AUNIP: variants seen among roughly 807,000 people sequenced by gnomAD.
AUNIP encodes the protein aurora kinase A and ninein interacting protein.
In AUNIP, 16 loss-of-function variants were observed where a neutral mutation model predicts 12.2. The observed-to-expected ratio is 1.31, with a 90% CI of 0.88 to 1.99. AUNIP has a LOEUF of 1.99. Among genes scored for constraint, AUNIP ranks in the 30% most tolerant of loss-of-function variants. The probability of loss-of-function intolerance (pLI) is 0.00; values close to 1 mark genes in which losing one functional copy is unlikely to be tolerated. For missense variants in AUNIP, 411 were observed against 419.1 expected (o/e 0.98, Z 0.17); for synonymous variants, 142 against 154.8 (o/e 0.92, Z 0.61).
intron 1 of AUNIP, among the ~76,000 whole-genome samples, chr1:25,838,037 G>A (rs116535107): frequency 0.014 from 1,852 of 136,690 alleles, 20 homozygotes; most frequent in Non-Finnish European, 0.023. Flanking sequence ...TCAGGAGTTC[G>A]AGACTAGCCT....
intron 2 of AUNIP, among the ~76,000 whole-genome samples, chr1:25,836,515 A>T (rs1484293477): frequency 6.6e-6 from 1 of 152,240 alleles, no homozygotes; most frequent in East Asian, 1.9e-4. Context: ...CCTTAAGATA[A>T]GGATGGAGGA....
At chr1:25,839,153 G>A (rs776787015) in intron 1 of AUNIP, among the ~76,000 whole-genome samples, 1 of 152,292 alleles carries the variant, frequency 6.6e-6, no homozygotes, top group East Asian at 1.9e-4. Flanking sequence ...TTGAGAAAAG[G>A]GAAACAAATA....
chr1:25,832,635 A>G (rs1355433009), downstream of AUNIP: 1 of 166,922 alleles, frequency 6.0e-6, no homozygotes, highest in Non-Finnish European at 1.3e-5. Flanking sequence ...TTTCTTAAAC[A>G]CATTTTATAT....
intron 1 of AUNIP, among the ~76,000 whole-genome samples, chr1:25,846,391 C>T (rs57018370): frequency 2.5e-5 from 3 of 118,962 alleles, no homozygotes; most frequent in Admixed American, 1.2e-4. Context: ...TGCACTCCAG[C>T]GGGCAACAGA....
At chr1:25,849,446 T>C (rs1272552330) in intron 1 of AUNIP, among the ~76,000 whole-genome samples, 1 of 152,176 alleles carries the variant, frequency 6.6e-6, no homozygotes, top group Non-Finnish European at 1.5e-5. Flanking sequence ...AGAAAATCAC[T>C]TACTTTCTTT....
chr1:25,854,614 G>A (rs936658375), intron 1 of AUNIP, among the ~76,000 whole-genome samples: 1 of 151,988 alleles, frequency 6.6e-6, no homozygotes, highest in African/African-American at 2.4e-5. Context: ...TCAAAAAGGG[G>A]GAGATAAGAG....
chr1:25,851,859 C>T (rs1435424553), intron 1 of AUNIP, among the ~76,000 whole-genome samples: 3 of 152,004 alleles, frequency 2.0e-5, no homozygotes, highest in South Asian at 2.1e-4. Flanking sequence ...CTCAGCCTCC[C>T]GAGTAGCTGG....
intron 2 of AUNIP, among the ~76,000 whole-genome samples, chr1:25,836,683 T>C (rs918757868): frequency 6.6e-6 from 1 of 152,246 alleles, no homozygotes; most frequent in Non-Finnish European, 1.5e-5. Flanking sequence ...ATATAGACTA[T>C]AAAATACACC....
intron 1 of AUNIP, among the ~76,000 whole-genome samples, chr1:25,857,661 A>C (rs1302060581): frequency 2.0e-5 from 3 of 151,284 alleles, no homozygotes; most frequent in Non-Finnish European, 4.4e-5. Flanking sequence ...TCAGGAGTTC[A>C]AGACCAGCCT....
chr1:25,843,566 G>A (rs1057182770), intron 1 of AUNIP, among the ~76,000 whole-genome samples: 2 of 136,732 alleles, frequency 1.5e-5, no homozygotes, highest in African/African-American at 5.8e-5. Flanking sequence ...AGATCAGCCT[G>A]GGCAAAATAG....
intron 2 of AUNIP, 66 bp downstream of exon 2, chr1:25,837,347 A>G: frequency 1.3e-6 from 2 of 1,529,878 alleles, no homozygotes; most frequent in South Asian, 1.2e-5. Flanking sequence ...ATGGTCTAAC[A>G]TGGACAAATG....
intron 1 of AUNIP, among the ~76,000 whole-genome samples, chr1:25,856,363 CAA>C (rs112639785): frequency 7.8e-6 from 1 of 128,486 alleles, no homozygotes; most frequent in Non-Finnish European, 1.7e-5. Flanking sequence ...GACTCCATCT[CAA>C]AAAAAAAAAA....
intron 1 of AUNIP, among the ~76,000 whole-genome samples, chr1:25,838,370 G>A (rs1051682778): frequency 2.0e-5 from 3 of 152,194 alleles, no homozygotes; most frequent in Non-Finnish European, 4.4e-5. Context: ...AGGCGTGGTG[G>A]CAAGCGCCTG....
Position 25,834,833 on chromosome 1 carries a change from G to T in AUNIP, c.*160C>A. 6.9e-7 allele frequency: 1 copy of T among 1,457,430 alleles called. No individual in the cohort carries two copies. 90.3% of individuals were successfully genotyped at this position (1,457,430 alleles called of 1,614,324 possible). On this transcript the variant is annotated 3_prime_UTR_variant, in exon 3 of 3. Coordinates refer to ENST00000374298, the MANE Select transcript of AUNIP (RefSeq NM_024037.3). ...ATGCCAATCCCACTGTCTTAACAAT[G>T]GTACTGCCCTTTATTTACACAGAGA... is the stretch of plus-strand genomic sequence containing the variant.
chr1:25,848,017 A>G (rs958003105), intron 1 of AUNIP, among the ~76,000 whole-genome samples: 1 of 152,082 alleles, frequency 6.6e-6, no homozygotes, highest in Non-Finnish European at 1.5e-5. Context: ...AGCCCTTGTT[A>G]TTTCTTACCT....
At position 25,847,300 on chromosome 1, in the gene AUNIP, C is replaced by T. The variant is rs2048390429; in HGVS notation, c.79-9746G>A. On this transcript the variant is annotated intron_variant, in intron 1 of 2. Coordinates refer to ENST00000374298, the MANE Select transcript of AUNIP (RefSeq NM_024037.3). This position sits in a 1 kb window ranked among gnomAD's most constrained non-coding sequence, Gnocchi z 4.2. ...TTTTTGAGACGGAGTCTCACTCTGT[C>T]ACCGAGGCTGGACTGCAGTAGCGCG... Among the ~76,000 whole-genome samples, 1 of 151,952 alleles carries T rather than the reference C, an allele frequency of 6.6e-6. No homozygotes were observed. The highest frequency in any genetic ancestry group is 1.5e-5 in the Non-Finnish European group (1 of 68,002).
intron 1 of AUNIP, among the ~76,000 whole-genome samples, chr1:25,843,690 G>T (rs2048362307): frequency 6.7e-6 from 1 of 149,970 alleles, no homozygotes; most frequent in African/African-American, 2.5e-5. Context: ...TTTGATTCCA[G>T]CTCTCGTGGA....
chr1:25,855,498 TA>T (rs1296933843), intron 1 of AUNIP, among the ~76,000 whole-genome samples: 8 of 152,048 alleles, frequency 5.3e-5, no homozygotes, highest in Admixed American at 1.3e-4. Context: ...TTTCATAATA[TA>T]AAAACAAAAT....
chr1:25,849,671 TCAC>T (rs770730922), intron 1 of AUNIP, among the ~76,000 whole-genome samples: 3 of 152,224 alleles, frequency 2.0e-5, no homozygotes, highest in Non-Finnish European at 4.4e-5. Context: ...TCTTATTCTG[TCAC>T]CTAGGCTGGA....
Sources: gnomAD v4.1 joint callset for allele counts (sites outside exome capture counted in the v4.1 genomes callset) on GRCh38, gnomAD v4.1.1 for gene constraint, Gnocchi (gnomAD v3.1) non-coding constraint, MANE v1.5 for transcripts, NCBI Gene and HGNC (gene_info 2026-07-23, HGNC 2026-07-21) for gene names.